PPP2R5A: variants seen among roughly 807,000 people sequenced by gnomAD.
PPP2R5A encodes protein phosphatase 2 regulatory subunit B'alpha.
In PPP2R5A, 25 loss-of-function variants were observed where a neutral mutation model predicts 64.2. The observed-to-expected ratio is 0.39, with a 90% confidence interval of 0.28 to 0.54. The LOEUF (loss-of-function observed/expected upper bound fraction) is 0.54. Ranked by LOEUF, PPP2R5A falls within the 20% of genes least tolerant of loss-of-function variation. The probability of loss-of-function intolerance (pLI) is 0.67; values close to 1 mark genes in which losing one functional copy is unlikely to be tolerated. For synonymous variants in PPP2R5A, 198 were observed against 201.2 expected, an observed-to-expected ratio of 0.98 and a Z score of 0.13; for missense variants, 425 against 576.3, an observed-to-expected ratio of 0.74 and a Z score of 2.69.
At chr1:212,328,321 ATAAAAAT>A (rs1659442684) in intron 1 of PPP2R5A, among the ~76,000 whole-genome samples, 1 of 152,234 alleles carries the variant, frequency 6.6e-6, no homozygotes. Context: ...TCTCAAAAAA[ATAAAAAT>A]TAAAAAAAAA....
intron 8 of PPP2R5A, among the ~76,000 whole-genome samples, chr1:212,354,604 A>G (rs1659945057): frequency 6.6e-6 from 1 of 151,962 alleles, no homozygotes; most frequent in South Asian, 2.1e-4. Flanking sequence ...GGATCATTTA[A>G]GCCTAGGAGT....
chr1:212,357,193 T>G lies in PPP2R5A; in HGVS notation c.1135T>G (p.Tyr379Asp). ...ERALYFWNNE[Y>D]ILSLIEENID... ...GGCATTGTACTTCTGGAATAACGAA[T>G]ATATTCTTAGTTTGATTGAGGAGAA... The change falls in exon 11 of 13, where the codon TAT becomes GAT. Residue 379 changes from tyrosine to aspartate, a missense_variant. Around this residue, in one of 4 missense-constraint regions of PPP2R5A, gnomAD observed 177 missense variants for 244.8 expected, o/e 0.72. Coordinates refer to ENST00000261461, the MANE Select transcript of PPP2R5A (RefSeq NM_006243.4). The G allele has an allele frequency of 1.3e-6, 2 of 1,591,578 alleles. No homozygotes were observed. The highest frequency in any genetic ancestry group is 1.7e-6 in the Non-Finnish European group (2 of 1,172,336).
At chr1:212,348,303 T>G (rs1659819011) in intron 6 of PPP2R5A, 86 bp from the exon 7 acceptor site, 1 of 820,148 alleles carries the variant, frequency 1.2e-6, no homozygotes, top group Non-Finnish European at 2.1e-6. Context: ...AGCATAGCAC[T>G]GTTCCTTATG....
chr1:212,302,794 C>G (rs1658822955), intron 1 of PPP2R5A, among the ~76,000 whole-genome samples: 1 of 152,164 alleles, frequency 6.6e-6, no homozygotes, highest in Non-Finnish European at 1.5e-5. Flanking sequence ...CTTTCCGTCT[C>G]TAGATTTCCC....
chr1:212,332,737 A>G (rs1017222306), intron 2 of PPP2R5A, among the ~76,000 whole-genome samples: 2 of 152,206 alleles, frequency 1.3e-5, no homozygotes, highest in Non-Finnish European at 2.9e-5. Context: ...ACTCTGAGTT[A>G]TAAGGCAAGT....
In PPP2R5A at chr1:212,285,977, G is replaced by T; in HGVS notation, c.-134G>T. On this transcript the variant is annotated 5_prime_UTR_variant, in exon 1 of 13. Coordinates refer to ENST00000261461, the MANE Select transcript of PPP2R5A (RefSeq NM_006243.4). ...GAGGAGAAGCTCGGCGGCGTCCCGG[G>T]GCCGGAGGGCCGTGGGGCCGGGGCG... 1 of 891,184 alleles carries T rather than the reference G, an allele frequency of 1.1e-6. No individual in the cohort carries two copies. The highest frequency in any genetic ancestry group is 1.5e-6 in the Non-Finnish European group (1 of 658,012). The allele number at this position is 891,184 out of a possible 1,614,324, so 55.2% of individuals were successfully genotyped here.
intron 3 of PPP2R5A, among the ~76,000 whole-genome samples, chr1:212,341,378 TC>T (rs1266172551): frequency 6.6e-6 from 1 of 152,196 alleles, no homozygotes; most frequent in Non-Finnish European, 1.5e-5. Flanking sequence ...TAATTAGTTT[TC>T]CCACTGTAGT....
intron 1 of PPP2R5A, among the ~76,000 whole-genome samples, chr1:212,328,511 A>G (rs1003291326): frequency 1.3e-5 from 2 of 152,220 alleles, no homozygotes; most frequent in Admixed American, 1.3e-4. Context: ...GACTCTTGAC[A>G]GTAGACAGCT....
Position 212,285,938 on chromosome 1 carries a change from C to A in PPP2R5A, c.-173C>A. 1 of 554,876 alleles carries A rather than the reference C, an allele frequency of 1.8e-6. No homozygotes were observed. Among genetic ancestry groups the A allele is most frequent in the Non-Finnish European group, 2.8e-6 (1 of 354,232 alleles). The allele number at this position is 554,876 out of a possible 1,614,324, so 34.4% of individuals were successfully genotyped here. On this transcript the variant is annotated 5_prime_UTR_variant, in exon 1 of 13. Transcript: ENST00000261461. ...CCAGCGCTGAGATGTGGCCGTGAGG[C>A]GTTGGCGGGCGGCGAGGAGAAGCTC...
intron 1 of PPP2R5A, among the ~76,000 whole-genome samples, chr1:212,316,186 C>G (rs1659149124): frequency 6.6e-6 from 1 of 152,160 alleles, no homozygotes; most frequent in Non-Finnish European, 1.5e-5. Flanking sequence ...AATGATTAAG[C>G]TTAGTGAGGA....
intron 1 of PPP2R5A, among the ~76,000 whole-genome samples, chr1:212,292,683 C>G (rs948690885): frequency 1.3e-5 from 2 of 152,044 alleles, no homozygotes; most frequent in Non-Finnish European, 2.9e-5. Context: ...GGCAATTGTC[C>G]CAAGTAGCTA....
intron 1 of PPP2R5A, among the ~76,000 whole-genome samples, chr1:212,289,076 T>G (rs1447137575): frequency 6.6e-6 from 1 of 152,248 alleles, no homozygotes; most frequent in Non-Finnish European, 1.5e-5. Context: ...ACAACAAGCC[T>G]TGTTAAAAGG....
chr1:212,327,739 AG>A (rs141593276), intron 1 of PPP2R5A, among the ~76,000 whole-genome samples: 3,224 of 152,156 alleles, frequency 0.021, 124 homozygotes, highest in African/African-American at 0.073. Context: ...ATTATATGCC[AG>A]GCATTGTATT....
rs3070963 is a variant in PPP2R5A at position 212,305,035 on chromosome 1, ATTTTTTTT to A, written c.181+18758_181+18765del. On this transcript the variant is annotated intron_variant, in intron 1 of 12. Coordinates refer to ENST00000261461, the MANE Select transcript of PPP2R5A (RefSeq NM_006243.4). The stretch of plus-strand genomic sequence containing the variant: ...TGGGAGCTGCCACACCCGGCCCCCA[ATTTTTTTT>A]TTTTTTTTTTTTTGAGACGGAGTCT... Among the ~76,000 whole-genome samples the A allele has an allele frequency of 6.4e-3, 691 of 107,940 alleles. 1 individual carries two copies. Among genetic ancestry groups the A allele is most frequent in the Non-Finnish European group, 0.01 (542 of 53,796 alleles). The allele number at this position is 107,940 out of a possible 152,430, so 70.8% of individuals were successfully genotyped here. A position where few individuals can be genotyped will look rare whatever the true frequency, so the allele number is the denominator to read the frequency against.
At chr1:212,338,705 T>C (rs775186029) in intron 3 of PPP2R5A, among the ~76,000 whole-genome samples, 2 of 151,696 alleles carry the variant, frequency 1.3e-5, no homozygotes. Flanking sequence ...GAGAATGGCT[T>C]GAACCCAGGA....
At chr1:212,287,006 G>A (rs1390388988) in intron 1 of PPP2R5A, among the ~76,000 whole-genome samples, 2 of 152,198 alleles carry the variant, frequency 1.3e-5, no homozygotes, top group Admixed American at 6.5e-5. Context: ...ATACGAAGGA[G>A]TAGGTAGTGT....
At chr1:212,289,896 C>T (rs1420072382) in intron 1 of PPP2R5A, among the ~76,000 whole-genome samples, 1 of 151,978 alleles carries the variant, frequency 6.6e-6, no homozygotes, top group African/African-American at 2.4e-5. Context: ...TCTTTCAGCA[C>T]GAGTGTAGAA....
intron 1 of PPP2R5A, chr1:212,301,852 G>A: frequency 7.7e-7 from 1 of 1,291,266 alleles, no homozygotes; most frequent in African/African-American, 1.5e-5. Context: ...TCCTATATGA[G>A]ATCTTACTTT....
chr1:212,351,983 A>ATATTTTATTTTAT (rs1421078550), intron 8 of PPP2R5A, among the ~76,000 whole-genome samples: 1 of 149,612 alleles, frequency 6.7e-6, no homozygotes, highest in Non-Finnish European at 1.5e-5. Context: ...ATTTTATTTT[A>ATATTTTATTTTAT]TATTTTATTT....
Sources: gnomAD v4.1 joint callset for allele counts (sites outside exome capture counted in the v4.1 genomes callset) on GRCh38, gnomAD v4.1.1 for gene constraint, gnomAD v4.1.1 regional missense constraint, MANE v1.5 for transcripts, NCBI Gene and HGNC (gene_info 2026-07-23, HGNC 2026-07-21) for gene names.